NCKAP5: variants seen among roughly 807,000 people sequenced by gnomAD.
NCKAP5 encodes the protein nck-associated protein 5.
A neutral mutation model predicts 167.0 loss-of-function variants in NCKAP5; 92 were observed. That is an observed-to-expected ratio of 0.55 (90% CI 0.47 to 0.66). The LOEUF (loss-of-function observed/expected upper bound fraction) is 0.66, where lower values mean the gene tolerates loss of function less well. Among genes scored for constraint, NCKAP5 ranks in the 30% least tolerant of loss-of-function variants. The pLI is 0.00. For synonymous variants in NCKAP5, 891 were observed against 877.4 expected, an observed-to-expected ratio of 1.02 and a Z score of -0.27; for missense variants, 2,378 against 2,315.0, an observed-to-expected ratio of 1.03 and a Z score of -0.56.
chr2:133,395,786 T>C (rs575421999), intron 3 of NCKAP5, among the ~76,000 whole-genome samples: 2 of 152,042 alleles, frequency 1.3e-5, no homozygotes, highest in Non-Finnish European at 2.9e-5. Flanking sequence ...GTTGAGGCTA[T>C]AGGTGTCCCA....
intron 5 of NCKAP5, among the ~76,000 whole-genome samples, chr2:133,143,002 T>C (rs1203132498): frequency 6.6e-6 from 1 of 152,136 alleles, no homozygotes; most frequent in Non-Finnish European, 1.5e-5. Context: ...GGCAAGACCA[T>C]AAAACATTTT....
intron 11 of NCKAP5, among the ~76,000 whole-genome samples, chr2:132,818,952 A>T (rs1686498004): frequency 6.6e-6 from 1 of 152,214 alleles, no homozygotes; most frequent in African/African-American, 2.4e-5. Context: ...TTTAGAAAGG[A>T]AGCACACGTA....
intron 3 of NCKAP5, among the ~76,000 whole-genome samples, chr2:133,367,491 ATTG>A (rs1377230042): frequency 4.6e-5 from 7 of 152,182 alleles, no homozygotes; most frequent in Non-Finnish European, 7.4e-5. Context: ...AGTTGTTGTT[ATTG>A]TTGTTGTTGT....
chr2:133,452,859 G>A (rs1691635984), intron 3 of NCKAP5, among the ~76,000 whole-genome samples: 1 of 152,096 alleles, frequency 6.6e-6, no homozygotes, highest in South Asian at 2.1e-4. Context: ...ATGCCCTGGT[G>A]TTAGAAGTTA....
At chr2:133,356,812 A>G (rs1348212280) in intron 3 of NCKAP5, among the ~76,000 whole-genome samples, 5 of 152,158 alleles carry the variant, frequency 3.3e-5, no homozygotes, top group African/African-American at 9.7e-5. Context: ...TTTAGGGCTA[A>G]CAAGAGATAT....
At chr2:133,002,077 A>G (rs892707583) in intron 6 of NCKAP5, among the ~76,000 whole-genome samples, 36 of 152,194 alleles carry the variant, frequency 2.4e-4, no homozygotes, top group Admixed American at 1.8e-3. Flanking sequence ...CTGGTATCTG[A>G]CGAGGGGTCC....
intron 8 of NCKAP5, among the ~76,000 whole-genome samples, chr2:132,920,767 GTATGTATA>G (rs1558943181): frequency 1.6e-4 from 5 of 31,248 alleles, no homozygotes; most frequent in South Asian, 1.4e-3. Flanking sequence ...GTATATATAT[GTATGTATA>G]TATATATATA....
chr2:132,878,733 G>A, intron 9 of NCKAP5, 115 bp downstream of exon 9: 2 of 793,736 alleles, frequency 2.5e-6, no homozygotes, highest in East Asian at 4.9e-5. Flanking sequence ...CATTTCTTTG[G>A]AGGAGAAAAT....
intron 6 of NCKAP5, among the ~76,000 whole-genome samples, chr2:133,121,809 C>T (rs1206555467): frequency 6.6e-6 from 1 of 152,110 alleles, no homozygotes; most frequent in Non-Finnish European, 1.5e-5. Flanking sequence ...ATCACATTCA[C>T]TCAAAACGGG....
intron 6 of NCKAP5, chr2:133,122,718 C>G (rs578194921): frequency 6.6e-6 from 1 of 152,286 alleles, no homozygotes; most frequent in Non-Finnish European, 1.5e-5. Flanking sequence ...GGCCAAAACC[C>G]AGTCCCACAG....
intron 11 of NCKAP5, among the ~76,000 whole-genome samples, chr2:132,853,323 T>C (rs1689217612): frequency 1.3e-5 from 2 of 152,238 alleles, no homozygotes; most frequent in African/African-American, 4.8e-5. Context: ...CTAGCTAGCA[T>C]TTCCATGGGG....
intron 3 of NCKAP5, among the ~76,000 whole-genome samples, chr2:133,474,898 C>T (rs1216056779): frequency 6.6e-6 from 1 of 152,062 alleles, no homozygotes; most frequent in Non-Finnish European, 1.5e-5. Flanking sequence ...GCAACCTCTG[C>T]CTCCTGGGGT....
the NCKAP5 span, among the ~76,000 whole-genome samples, chr2:133,647,135 A>G: frequency 2.0e-5 from 3 of 152,154 alleles, no homozygotes; most frequent in East Asian, 5.8e-4. Flanking sequence ...CCAGAAGCTC[A>G]TGACTAGCCT....
intron 6 of NCKAP5, among the ~76,000 whole-genome samples, chr2:133,048,242 G>A (rs550639717): frequency 9.9e-5 from 15 of 152,268 alleles, no homozygotes; most frequent in African/African-American, 3.4e-4. Flanking sequence ...CTACTTGTGG[G>A]AACTGGGGTA....
At chr2:132,799,039 G>C (rs900411651) in intron 11 of NCKAP5, among the ~76,000 whole-genome samples, 4 of 151,904 alleles carry the variant, frequency 2.6e-5, no homozygotes, top group Non-Finnish European at 5.9e-5. Context: ...AAAGAAATAT[G>C]GTACATATAT....
In NCKAP5 at chr2:133,562,532, C is replaced by T. The variant is rs80014431; in HGVS notation, c.-129-3415G>A. ...GGAGCGGTTTGTCAGACATGCGTCT[C>T]GACAGTAACACTTGTTCCCACATTT... On this transcript the variant is annotated intron_variant, in intron 1 of 19. Coordinates refer to ENST00000409261, the MANE Select transcript of NCKAP5 (RefSeq NM_207363.3). Among the ~76,000 whole-genome samples, 150 of 152,264 alleles carry T rather than the reference C, an allele frequency of 9.9e-4. 1 individual carries two copies. Among genetic ancestry groups the T allele is most frequent in the African/African-American group, 3.4e-3 (141 of 41,550 alleles).
intron 5 of NCKAP5, among the ~76,000 whole-genome samples, chr2:133,157,107 AT>A (rs1239064294): frequency 6.6e-6 from 1 of 152,142 alleles, no homozygotes; most frequent in Non-Finnish European, 1.5e-5. Context: ...CAATAATTCC[AT>A]TTTGCCTCAA....
the NCKAP5 span, among the ~76,000 whole-genome samples, chr2:133,582,845 G>C: frequency 2.0e-5 from 3 of 152,144 alleles, no homozygotes; most frequent in Non-Finnish European, 4.4e-5. Context: ...ACTCAGCCTT[G>C]ACCAAATTGA....
intron 3 of NCKAP5, among the ~76,000 whole-genome samples, chr2:133,425,425 G>T (rs1281493863): frequency 6.6e-5 from 10 of 152,138 alleles, no homozygotes; most frequent in Non-Finnish European, 1.5e-5. Flanking sequence ...GGGGTAGTCA[G>T]CTTATGGATT....
Sources: allele counts gnomAD v4.1 joint callset (sites outside exome capture counted in the v4.1 genomes callset), GRCh38; gene constraint gnomAD v4.1.1; transcripts MANE v1.5; gene names NCBI Gene and HGNC (gene_info 2026-07-23, HGNC 2026-07-21).